The following SNTG2 variants were observed in gnomAD, a reference collection of about 807,000 sequenced individuals.
SNTG2 encodes gamma-2-syntrophin.
A neutral mutation model predicts 70.9 loss-of-function variants in SNTG2; 74 were observed. The ratio of observed to expected loss-of-function variants is 1.04; its 90% CI spans 0.86 to 1.27. SNTG2 has a LOEUF of 1.27. Among genes scored for constraint, SNTG2 ranks in the 50% most tolerant of loss-of-function variants. The pLI, the probability that SNTG2 is intolerant of heterozygous loss-of-function variation, is 0.00. For synonymous variants in SNTG2, 278 were observed against 273.8 expected, an observed-to-expected ratio of 1.02 and a Z score of -0.15; for missense variants, 717 against 690.7, an observed-to-expected ratio of 1.04 and a Z score of -0.43.
chr2:1,273,829 C>G (rs921808653), intron 14 of SNTG2, among the ~76,000 whole-genome samples: 1 of 151,878 alleles, frequency 6.6e-6, no homozygotes, highest in African/African-American at 2.4e-5. Flanking sequence ...TTAAAAGCAA[C>G]TATTATTTGA....
At chr2:958,481 G>A (rs1660244164) in intron 1 of SNTG2, among the ~76,000 whole-genome samples, 1 of 152,058 alleles carries the variant, frequency 6.6e-6, no homozygotes, top group Admixed American at 6.6e-5. Flanking sequence ...CTTCAAGATG[G>A]ATTTTTCATA....
At chr2:1,114,511 T>C (rs1666791161) in intron 4 of SNTG2, among the ~76,000 whole-genome samples, 1 of 151,968 alleles carries the variant, frequency 6.6e-6, no homozygotes, top group South Asian at 2.1e-4. Flanking sequence ...TCATGTGTAC[T>C]AAGTGAGGTT....
chr2:1,304,053 A>G (rs565465401), intron 14 of SNTG2, among the ~76,000 whole-genome samples: 1 of 152,330 alleles, frequency 6.6e-6, no homozygotes, highest in African/African-American at 2.4e-5. Context: ...CTTCTCTATA[A>G]TATCTTCTAG....
At chr2:1,175,330 T>C (rs1181169107) in intron 8 of SNTG2, among the ~76,000 whole-genome samples, 1 of 152,208 alleles carries the variant, frequency 6.6e-6, no homozygotes, top group Admixed American at 6.5e-5. Context: ...ACTATGTAAT[T>C]ACTAGGTATT....
chr2:1,253,399 T>A (rs745322455), intron 12 of SNTG2, among the ~76,000 whole-genome samples: 1 of 152,188 alleles, frequency 6.6e-6, no homozygotes. Context: ...CATGGCTGGG[T>A]CACTGCACCA....
chr2:1,051,194 C>CTTCCTCCTTCCT (rs1558343130), intron 1 of SNTG2, among the ~76,000 whole-genome samples: 44 of 143,200 alleles, frequency 3.1e-4, no homozygotes, highest in Non-Finnish European at 4.2e-4. Flanking sequence ...CCTTTCCTCC[C>CTTCCTCCTTCCT]TTCCTCCCTT....
At chr2:1,249,849 G>A (rs1009452261) in intron 12 of SNTG2, among the ~76,000 whole-genome samples, 3 of 152,152 alleles carry the variant, frequency 2.0e-5, no homozygotes, top group Admixed American at 6.5e-5. Context: ...ATGCAGGCGA[G>A]TCTTCCCTCA....
At chr2:1,121,392 G>A (rs116154222) in intron 4 of SNTG2, among the ~76,000 whole-genome samples, 3,267 of 151,386 alleles carry the variant, frequency 0.022, 109 homozygotes, top group African/African-American at 0.072. Flanking sequence ...AAGGAAAGAG[G>A]ATGAGAACAG....
intron 6 of SNTG2, among the ~76,000 whole-genome samples, chr2:1,149,332 CTT>C (rs1669312468): frequency 6.6e-6 from 1 of 151,996 alleles, no homozygotes; most frequent in Non-Finnish European, 1.5e-5. Flanking sequence ...CTAAGTTTGT[CTT>C]TTCATTGTAC....
chr2:1,059,891 T>C (rs1662701648), intron 1 of SNTG2, among the ~76,000 whole-genome samples: 1 of 152,190 alleles, frequency 6.6e-6, no homozygotes, highest in African/African-American at 2.4e-5. Context: ...GACAGAGTTA[T>C]ATTGGATCAG....
At chr2:1,037,469 T>G (rs555744759) in intron 1 of SNTG2, among the ~76,000 whole-genome samples, 7 of 152,252 alleles carry the variant, frequency 4.6e-5, no homozygotes, top group Non-Finnish European at 8.8e-5. Context: ...ACCATTTCCA[T>G]CACCCCAGAA....
At chr2:1,105,606 G>C (rs2148232850) in intron 4 of SNTG2, among the ~76,000 whole-genome samples, 1 of 152,154 alleles carries the variant, frequency 6.6e-6, no homozygotes, top group East Asian at 1.9e-4. Flanking sequence ...TCTATACATA[G>C]ATTTTATGAG....
At chr2:1,187,664 G>T (rs1222843285) in intron 8 of SNTG2, among the ~76,000 whole-genome samples, 1 of 152,158 alleles carries the variant, frequency 6.6e-6, no homozygotes, top group Non-Finnish European at 1.5e-5. Flanking sequence ...GCAAACTATT[G>T]TGAAACTACG....
intron 9 of SNTG2, among the ~76,000 whole-genome samples, chr2:1,221,805 CTCTCTCTCGGTCTCTGTCTCTCTCTG>C (rs1674941788): frequency 7.3e-5 from 2 of 27,510 alleles, no homozygotes; most frequent in Non-Finnish European, 1.3e-4. Context: ...CTGTCTCTGT[CTCTCTCTCGGTCTCTGTCTCTCTCTG>C]TCTCTCTCTG....
Position 1,353,946 on chromosome 2 carries a change from A to T in SNTG2, c.1489-13397A>T, listed in dbSNP as rs973458807. 3 of 152,202 alleles carry T rather than the reference A, an allele frequency of 2.0e-5. No homozygotes were observed. Among genetic ancestry groups the T allele is most frequent in the Non-Finnish European group, 4.4e-5 (3 of 68,046 alleles). 9.4% of individuals were successfully genotyped at this position (152,202 alleles called of 1,614,324 possible). Reference sequence around the variant, plus strand: ...TGCCTGCGCGTAAAGAGTGGGAAAGAAAAAACGTTTTCTCCGGTGATGGGT... The same window carrying T: ...TGCCTGCGCGTAAAGAGTGGGAAAGTAAAAACGTTTTCTCCGGTGATGGGT... On this transcript the variant is annotated intron_variant, in intron 16 of 16. Coordinates refer to ENST00000308624, the MANE Select transcript of SNTG2 (RefSeq NM_018968.4). The surrounding 1 kb of genome is among the most constrained non-coding windows in gnomAD (Gnocchi z 4.2).
intron 6 of SNTG2, among the ~76,000 whole-genome samples, chr2:1,143,180 C>T (rs1202462732): frequency 6.8e-6 from 1 of 146,962 alleles, no homozygotes; most frequent in Non-Finnish European, 1.5e-5. Context: ...CCATCAATGC[C>T]CTAACTGTAG....
intron 1 of SNTG2, among the ~76,000 whole-genome samples, chr2:1,024,931 A>G (rs1334270409): frequency 2.0e-5 from 3 of 152,228 alleles, no homozygotes; most frequent in African/African-American, 7.2e-5. Context: ...ACTCTATGGG[A>G]TAATGAAATA....
intron 6 of SNTG2, among the ~76,000 whole-genome samples, chr2:1,140,017 C>T (rs1052626060): frequency 2.6e-5 from 4 of 151,928 alleles, no homozygotes; most frequent in South Asian, 2.1e-4. Flanking sequence ...TCAATTTTTC[C>T]GATGCATAAA....
chr2:1,098,787 C>T (rs1241039043), intron 4 of SNTG2, among the ~76,000 whole-genome samples: 3 of 152,188 alleles, frequency 2.0e-5, no homozygotes, highest in Non-Finnish European at 4.4e-5. Flanking sequence ...ACACAAGTCT[C>T]TGAGCCTAAG....
Sources: allele counts gnomAD v4.1 joint callset (sites outside exome capture counted in the v4.1 genomes callset), GRCh38; gene constraint gnomAD v4.1.1; non-coding constraint Gnocchi (gnomAD v3.1); transcripts MANE v1.5; gene names NCBI Gene and HGNC (gene_info 2026-07-23, HGNC 2026-07-21).